PDXDC1: variants seen among roughly 807,000 people sequenced by gnomAD.
The protein encoded by PDXDC1 is pyridoxal-dependent decarboxylase domain-containing protein 1.
A neutral mutation model predicts 100.1 loss-of-function variants in PDXDC1; 42 were observed. That is an observed-to-expected ratio of 0.42 (90% CI 0.33 to 0.54). PDXDC1 has a LOEUF of 0.54. Among genes scored for constraint, PDXDC1 ranks in the 20% least tolerant of loss-of-function variants. The pLI, the probability that PDXDC1 is intolerant of heterozygous loss-of-function variation, is 0.10. For missense variants in PDXDC1, 636 were observed against 979.2 expected (o/e 0.65, Z 4.68); for synonymous variants, 260 against 371.7 (o/e 0.70, Z 3.46).
chr16:15,094,323 C>A (rs1219642470), intron 16 of PDXDC1: 4 of 1,238,740 alleles, frequency 3.2e-6, no homozygotes, highest in Admixed American at 2.2e-5. Context: ...CGCGTGCCAG[C>A]GCAACCTTCA....
the PDXDC1 span, among the ~76,000 whole-genome samples, chr16:15,145,371 G>A: frequency 2.6e-5 from 4 of 152,354 alleles, no homozygotes; most frequent in East Asian, 1.9e-4. Flanking sequence ...CTCACAACCC[G>A]GAGCCCCTGT....
intron 16 of PDXDC1, chr16:15,104,845 G>C (rs1294418488): frequency 3.3e-6 from 5 of 1,510,988 alleles, no homozygotes; most frequent in Non-Finnish European, 4.4e-6. Context: ...ACCTTCTGTT[G>C]CTGGTGATAG....
At chr16:15,075,465 G>A (rs2045414204) in intron 16 of PDXDC1, among the ~76,000 whole-genome samples, 1 of 151,738 alleles carries the variant, frequency 6.6e-6, no homozygotes, top group Non-Finnish European at 1.5e-5. Flanking sequence ...AGCTACTCGG[G>A]GAGGCTGAGG....
the PDXDC1 span, among the ~76,000 whole-genome samples, chr16:15,147,872 A>AG: frequency 6.6e-6 from 1 of 152,014 alleles, no homozygotes; most frequent in East Asian, 1.9e-4. Context: ...TATTTTTAGT[A>AG]GAACGGGTTT....
At chr16:15,032,668 A>AAAAAAG (rs57542228) in intron 17 of PDXDC1, 193 bp from the exon 18 acceptor site, 14 of 380,202 alleles carry the variant, frequency 3.7e-5, no homozygotes, top group Middle Eastern at 7.7e-4. Flanking sequence ...AAAAAAAAAA[A>AAAAAAG]AGGCTTTCCT....
At chr16:15,033,083 T>G (rs937989663) in intron 18 of PDXDC1, 104 bp downstream of exon 18, 10 of 984,472 alleles carry the variant, frequency 1.0e-5, no homozygotes, top group Admixed American at 5.6e-5. Flanking sequence ...CCTCTCGGGC[T>G]GGGTTCCAGG....
chr16:15,018,401 C>T (rs1434790274), intron 11 of PDXDC1, among the ~76,000 whole-genome samples: 10 of 152,228 alleles, frequency 6.6e-5, no homozygotes, highest in South Asian at 2.1e-4. Flanking sequence ...AGAATGAAAA[C>T]GAAACCTGTC....
chr16:15,006,362 A>T, intron 5 of PDXDC1, 32 bp from the exon 6 acceptor site: 1 of 1,505,466 alleles, frequency 6.6e-7, no homozygotes, highest in Non-Finnish European at 9.1e-7. Flanking sequence ...TTAACTAGAA[A>T]TAAGAGCATA....
intron 16 of PDXDC1, among the ~76,000 whole-genome samples, chr16:15,077,862 CTT>C (rs923190508): frequency 3.9e-5 from 6 of 152,050 alleles, no homozygotes; most frequent in African/African-American, 9.7e-5. Flanking sequence ...AAAAACATCT[CTT>C]TTTCTTCCCA....
intron 16 of PDXDC1, among the ~76,000 whole-genome samples, chr16:15,073,318 G>T (rs1389647574): frequency 6.6e-6 from 1 of 152,162 alleles, no homozygotes; most frequent in African/African-American, 2.4e-5. Context: ...AATTAGCCAG[G>T]CATGGTGGCA....
At chr16:15,064,769 T>C (rs542164547) in intron 16 of PDXDC1, among the ~76,000 whole-genome samples, 42 of 152,328 alleles carry the variant, frequency 2.8e-4, no homozygotes, top group African/African-American at 1.0e-3. Flanking sequence ...TGGTGAAATA[T>C]ACGCAGGGAG....
At chr16:15,144,387 G>GA in the PDXDC1 span, among the ~76,000 whole-genome samples, 18 of 152,038 alleles carry the variant, frequency 1.2e-4, no homozygotes, top group East Asian at 5.8e-4. Flanking sequence ...GTGCTCATTT[G>GA]AAAAAAAACA....
intron 1 of PDXDC1, 104 bp downstream of exon 1, chr16:14,975,324 G>C (rs1325501525): frequency 1.5e-6 from 2 of 1,355,648 alleles, no homozygotes; most frequent in Admixed American, 3.9e-5. Flanking sequence ...CCCGGACAGG[G>C]GGACGCGGGC....
chr16:15,069,692 T>G (rs899880905), intron 16 of PDXDC1, among the ~76,000 whole-genome samples: 1 of 152,198 alleles, frequency 6.6e-6, no homozygotes, highest in African/African-American at 2.4e-5. Flanking sequence ...AAAGGGAGAA[T>G]ACCTGCCATT....
At chr16:15,035,357 G>T (rs2043348265) in intron 21 of PDXDC1, 92 bp from the exon 22 acceptor site, 2 of 621,972 alleles carry the variant, frequency 3.2e-6, no homozygotes, top group Non-Finnish European at 5.5e-6. Context: ...CTGGAAGGAG[G>T]TTATTGGGGA....
downstream of PDXDC1, among the ~76,000 whole-genome samples, chr16:15,042,243 T>C (rs2043850378): frequency 6.7e-6 from 1 of 150,228 alleles, no homozygotes; most frequent in Non-Finnish European, 1.5e-5. Context: ...TGGAGTGCAG[T>C]GGAGCGATCT....
At position 15,034,563 on chromosome 16, in the gene PDXDC1, C is replaced by T. The variant is rs373868092; in HGVS notation, c.2002+10C>T. On this transcript the variant is annotated intron_variant, in intron 21 of 22. Coordinates refer to ENST00000396410, the MANE Select transcript of PDXDC1 (RefSeq NM_015027.4). ...TTTAACTTGACAGCAGGTAGGACGG[C>T]ATAGCCTCTTCCCAGGTCTTGCTGA... 1.8e-5 allele frequency: 29 copies of T among 1,596,440 alleles called. No individual in the cohort carries two copies. The African/African-American group carries it at 2.7e-4, about 15-fold the overall frequency.
chr16:15,044,437 C>G, intron 16 of PDXDC1: 1 of 1,449,630 alleles, frequency 6.9e-7, no homozygotes, highest in Non-Finnish European at 9.7e-7. Flanking sequence ...GGTCAGAGGC[C>G]AGAAGAAGAC....
intron 9 of PDXDC1, among the ~76,000 whole-genome samples, 199 bp from the exon 10 acceptor site, chr16:15,016,921 C>T (rs1407884363): frequency 6.6e-6 from 1 of 152,286 alleles, no homozygotes; most frequent in African/African-American, 2.4e-5. Flanking sequence ...GTTCCTGAGA[C>T]ACATTTTTAT....
Sources: allele counts gnomAD v4.1 joint callset (sites outside exome capture counted in the v4.1 genomes callset), GRCh38; gene constraint gnomAD v4.1.1; transcripts MANE v1.5; gene names NCBI Gene and HGNC (gene_info 2026-07-23, HGNC 2026-07-21).